The following SYN3 variants were observed in gnomAD, a reference collection of about 807,000 sequenced individuals.
SYN3 encodes the protein synapsin III, also known as synapsin-3.
Under a neutral mutation model 65.8 loss-of-function variants are expected in SYN3, and 35 were observed. The observed-to-expected ratio is 0.53, with a 90% CI of 0.41 to 0.70. SYN3 has a LOEUF of 0.70. Among genes scored for constraint, SYN3 ranks in the 30% least tolerant of loss-of-function variants. The probability of loss-of-function intolerance (pLI) is 0.00; values close to 1 mark genes in which losing one functional copy is unlikely to be tolerated. For missense variants in SYN3, 680 were observed against 749.0 expected (o/e 0.91, Z 1.08); for synonymous variants, 270 against 292.9 (o/e 0.92, Z 0.80).
intron 6 of SYN3, among the ~76,000 whole-genome samples, chr22:32,783,975 C>T (rs2046132103): frequency 6.6e-6 from 1 of 152,180 alleles, no homozygotes; most frequent in Non-Finnish European, 1.5e-5. Context: ...ATTTACCTTA[C>T]AAAGTTGGAT....
intron 6 of SYN3, among the ~76,000 whole-genome samples, chr22:32,847,045 G>A (rs925607928): frequency 6.6e-6 from 1 of 152,168 alleles, no homozygotes; most frequent in Non-Finnish European, 1.5e-5. Context: ...CCAGGATGTT[G>A]CTATTTAAAG....
At chr22:32,679,788 T>A (rs745614196) in intron 6 of SYN3, among the ~76,000 whole-genome samples, 1 of 147,668 alleles carries the variant, frequency 6.8e-6, no homozygotes, top group Non-Finnish European at 1.5e-5. Context: ...TGGAGAAATA[T>A]CTATTCAAGG....
chr22:32,726,036 C>T (rs1399468555), intron 6 of SYN3, among the ~76,000 whole-genome samples: 1 of 152,158 alleles, frequency 6.6e-6, no homozygotes, highest in African/African-American at 2.4e-5. Flanking sequence ...AGGACAGGGT[C>T]TTGGAGAAAA....
At chr22:32,649,846 G>A (rs2060036806) in intron 6 of SYN3, among the ~76,000 whole-genome samples, 1 of 152,126 alleles carries the variant, frequency 6.6e-6, no homozygotes, top group Non-Finnish European at 1.5e-5. Flanking sequence ...AGAATCGGGT[G>A]GTTTAGGACA....
At chr22:32,541,326 T>C (rs1028612907) in intron 8 of SYN3, among the ~76,000 whole-genome samples, 19 of 152,240 alleles carry the variant, frequency 1.2e-4, no homozygotes, top group Non-Finnish European at 2.1e-4. Flanking sequence ...TGCAGTTCCC[T>C]AGACATGCCA....
Position 32,562,624 on chromosome 22 carries a change from C to G in SYN3, c.775-20911G>C, listed in dbSNP as rs16990743. 3.3e-5 allele frequency among the ~76,000 whole-genome samples: 5 copies of G among 152,336 alleles called. No individual in the cohort carries two copies. The East Asian group carries it at 9.6e-4, about 29-fold the overall frequency. On this transcript the variant is annotated intron_variant, in intron 7 of 13. Transcript: ENST00000358763. ...CCCCTGTCAGCACTTCCTCACTAAG[C>G]CGCTCCACCCTACTCCGTTTTCTGC...
intron 6 of SYN3, among the ~76,000 whole-genome samples, chr22:32,773,389 G>C (rs1350454768): frequency 3.6e-5 from 5 of 140,194 alleles, no homozygotes; most frequent in Admixed American, 1.5e-4. Flanking sequence ...TCTGGGCAAC[G>C]GAGCCAGACT....
intron 7 of SYN3, among the ~76,000 whole-genome samples, chr22:32,569,246 A>G (rs2058712859): frequency 8.0e-6 from 1 of 125,426 alleles, no homozygotes; most frequent in Non-Finnish European, 1.7e-5. Context: ...ATCTATCTCT[A>G]TGCATCCAAA....
chr22:32,782,183 C>T (rs1371900843), intron 6 of SYN3, among the ~76,000 whole-genome samples: 13 of 152,068 alleles, frequency 8.5e-5, no homozygotes, highest in Non-Finnish European at 1.8e-4. Flanking sequence ...ATTCTCTTGC[C>T]TCAGCCTCCC....
At chr22:32,704,380 CT>C (rs1171497105) in intron 6 of SYN3, among the ~76,000 whole-genome samples, 4 of 152,168 alleles carry the variant, frequency 2.6e-5, no homozygotes, top group Admixed American at 2.6e-4. Flanking sequence ...ATCCATGTTC[CT>C]GCAAAGGACA....
chr22:32,843,428 A>T (rs1358871069), intron 6 of SYN3, among the ~76,000 whole-genome samples: 1 of 152,194 alleles, frequency 6.6e-6, no homozygotes, highest in Non-Finnish European at 1.5e-5. Flanking sequence ...TAGAGTGTCC[A>T]AGGTGGGCAG....
At chr22:32,935,731 C>T (rs1473838320) in intron 3 of SYN3, among the ~76,000 whole-genome samples, 1 of 152,180 alleles carries the variant, frequency 6.6e-6, no homozygotes, top group African/African-American at 2.4e-5. Flanking sequence ...GGATTACAGG[C>T]GTGAGCCACT....
intron 1 of SYN3, among the ~76,000 whole-genome samples, chr22:33,048,640 C>T (rs1450983320): frequency 1.3e-5 from 2 of 152,194 alleles, no homozygotes; most frequent in African/African-American, 2.4e-5. Flanking sequence ...ACCCCTTCGC[C>T]TTCTGCCATG....
chr22:32,665,234 G>C (rs910777917), intron 6 of SYN3, among the ~76,000 whole-genome samples: 2 of 151,956 alleles, frequency 1.3e-5, no homozygotes, highest in South Asian at 4.1e-4. Context: ...CTGGCCTCAG[G>C]TGATCCACCC....
At chr22:32,844,695 C>G (rs1007072306) in intron 6 of SYN3, among the ~76,000 whole-genome samples, 1 of 151,072 alleles carries the variant, frequency 6.6e-6, no homozygotes, top group African/African-American at 2.4e-5. Context: ...CAATCTCTTC[C>G]TTGTTTCTTC....
At chr22:33,023,290 CT>C (rs1217722875) in intron 1 of SYN3, among the ~76,000 whole-genome samples, 1 of 152,148 alleles carries the variant, frequency 6.6e-6, no homozygotes, top group African/African-American at 2.4e-5. Flanking sequence ...GGGGGCAGGT[CT>C]TTCCCATGCT....
chr22:32,595,021 G>A (rs979472451), intron 7 of SYN3, among the ~76,000 whole-genome samples: 5 of 152,194 alleles, frequency 3.3e-5, no homozygotes, highest in Admixed American at 6.5e-5. Context: ...TGAGTGGCAG[G>A]TACTGAGACC....
intron 3 of SYN3, among the ~76,000 whole-genome samples, chr22:32,935,407 T>C (rs1011658912): frequency 6.6e-6 from 1 of 151,926 alleles, no homozygotes; most frequent in South Asian, 2.1e-4. Flanking sequence ...GCTAACCTTT[T>C]CACCACAAAT....
At chr22:32,798,878 A>G (rs2046494596) in intron 6 of SYN3, among the ~76,000 whole-genome samples, 1 of 151,956 alleles carries the variant, frequency 6.6e-6, no homozygotes, top group African/African-American at 2.4e-5. Flanking sequence ...TTGTTAGTAC[A>G]GACGGGGTTT....
Sources: gnomAD v4.1 joint callset for allele counts (sites outside exome capture counted in the v4.1 genomes callset) on GRCh38, gnomAD v4.1.1 for gene constraint, MANE v1.5 for transcripts, NCBI Gene and HGNC (gene_info 2026-07-23, HGNC 2026-07-21) for gene names.